Variants in IFFO1 observed in about 807,000 individuals in gnomAD.
The protein encoded by IFFO1 is non-homologous end joining factor IFFO1.
IFFO1 carries 42 observed loss-of-function variants against 59.6 expected under a neutral mutation model. The observed-to-expected ratio is 0.70, with a 90% confidence interval of 0.55 to 0.91. IFFO1 has a LOEUF of 0.91. IFFO1 is among the 40% of genes least tolerant of loss of function. The pLI is 0.00. For missense variants in IFFO1, 711 were observed against 793.2 expected (o/e 0.90, Z 1.24); for synonymous variants, 336 against 342.8 (o/e 0.98, Z 0.22).
Position 6,549,850 on chromosome 12 carries a change from A to G in IFFO1, c.977T>C (p.Val326Ala). The G allele has an allele frequency of 1.2e-6, 2 of 1,614,026 alleles. No individual in the cohort carries two copies. Among genetic ancestry groups the G allele is most frequent in the Non-Finnish European group, 1.7e-6 (2 of 1,179,962 alleles). Residue 326 changes from valine to alanine, a missense_variant, in exon 4 of 10, where the codon GTG (valine) becomes GCG (alanine). Val to Ala is a moderately conservative substitution (Grantham distance 64). This residue lies in a region of IFFO1 where 579 missense variants were observed against 650.3 expected (regional missense o/e 0.89). Coordinates refer to ENST00000619571, the MANE Select transcript of IFFO1 (RefSeq NM_001193457.2). This position sits in a 1 kb window ranked among gnomAD's most constrained non-coding sequence, Gnocchi z 5.0. ...DTKIQEKAMK[V>A]DMDICRRIDI... ...GATGCGGCGGCAGATGTCCATATCCACCTTCATGGCTTTCTCCTGGATCTT... is the reference window on the plus strand; with the variant it reads ...GATGCGGCGGCAGATGTCCATATCCGCCTTCATGGCTTTCTCCTGGATCTT...
In IFFO1 at chr12:6,548,337, G is replaced by C. The variant is rs1188916670; in HGVS notation, c.1383+88C>G. ...CAGGTAGAGGATGACAGCCACATGGGGGGACAGAGCAAGGAGAGGAGCGGG... is the reference window on the plus strand; with the variant it reads ...CAGGTAGAGGATGACAGCCACATGGCGGGACAGAGCAAGGAGAGGAGCGGG... On this transcript the variant is annotated intron_variant, in intron 7 of 9. Transcript: ENST00000619571. The surrounding 1 kb of genome is among the most constrained non-coding windows in gnomAD (Gnocchi z 6.1). The C allele has an allele frequency of 1.2e-5, 18 of 1,486,468 alleles. No individual in the cohort carries two copies. The highest frequency in any genetic ancestry group is 7.3e-5 in the Admixed American group (4 of 54,560). The allele number at this position is 1,486,468 out of a possible 1,614,324, so 92.1% of individuals were successfully genotyped here. A position where few individuals can be genotyped will look rare whatever the true frequency, so the allele number is the denominator to read the frequency against.
At position 6,540,468 on chromosome 12, in the gene IFFO1, G is replaced by C. The variant is rs1241044858; in HGVS notation, c.*15C>G. ...CCTGCTGCGAGGGCCTCGGGTGCAA[G>C]GGGGAGGCAGGTCTCTATCTCATGG... On this transcript the variant is annotated 3_prime_UTR_variant, in exon 10 of 10. Coordinates refer to ENST00000619571, the MANE Select transcript of IFFO1 (RefSeq NM_001193457.2). 6.3e-7 allele frequency: 1 copy of C among 1,599,012 alleles called. No homozygotes were observed. Among genetic ancestry groups the C allele is most frequent in the Non-Finnish European group, 8.6e-7 (1 of 1,166,318 alleles).
chr12:6,555,736 G>C lies in IFFO1; in HGVS notation c.294C>G (p.Asn98Lys). The stretch of plus-strand genomic sequence containing the variant: ...GCTGCAGTTGCTTCTCCAACAGCCG[G>C]TTCCGGCGCTCCAGCTCATGCACCT... Reference protein sequence around the residue: ...LAKVHELERRNRLLEKQLQQA... With the variant: ...LAKVHELERRKRLLEKQLQQA... Residue 98 changes from asparagine to lysine, a missense_variant, in exon 1 of 10, where the codon AAC becomes AAG. Asn to Lys is a moderately conservative substitution (Grantham distance 94). Coordinates refer to ENST00000619571, the MANE Select transcript of IFFO1 (RefSeq NM_001193457.2). The surrounding 1 kb of genome is among the most constrained non-coding windows in gnomAD (Gnocchi z 8.6). 2 of 1,612,822 alleles carry C rather than the reference G, an allele frequency of 1.2e-6. No individual in the cohort carries two copies. The highest frequency in any genetic ancestry group is 1.7e-6 in the Non-Finnish European group (2 of 1,179,390).
intron 1 of IFFO1, 125 bp from the exon 2 acceptor site, chr12:6,551,126 A>G (rs1048042031): frequency 1.1e-6 from 1 of 920,384 alleles, no homozygotes; most frequent in Non-Finnish European, 1.7e-6. Context: ...GATGGGGAGG[A>G]GCAGGGCACA....
intron 8 of IFFO1, among the ~76,000 whole-genome samples, chr12:6,546,986 T>C (rs1162515662): frequency 6.6e-6 from 1 of 152,150 alleles, no homozygotes; most frequent in Non-Finnish European, 1.5e-5. Flanking sequence ...ATAGTGTTAA[T>C]AATAATAAAA....
chr12:6,546,341 G>A (rs1385317318), intron 8 of IFFO1, among the ~76,000 whole-genome samples: 2 of 152,224 alleles, frequency 1.3e-5, no homozygotes, highest in Non-Finnish European at 2.9e-5. Flanking sequence ...AGGCTGAGAC[G>A]CAGAGAAGGC....
In IFFO1 at chr12:6,548,513, C is replaced by T. The variant is rs376362036; in HGVS notation, c.1295G>A (p.Ser432Asn). The change falls in exon 7 of 10, where the codon AGC (serine) becomes AAC (asparagine). Residue 432 changes from serine (S) to asparagine (N), a missense_variant. By Grantham distance (46) the Ser-to-Asn change is conservative (BLOSUM62 1). This residue lies in a region of IFFO1 where 579 missense variants were observed against 650.3 expected (regional missense o/e 0.89). Transcript: ENST00000619571. The surrounding 1 kb of genome is among the most constrained non-coding windows in gnomAD (Gnocchi z 6.1). ...REYDFEDDCDSLTWEETEETL... is the reference protein window; with the variant it reads ...REYDFEDDCDNLTWEETEETL... ...CTCCTCAGTCTCCTCCCAAGTCAGG[C>T]TGTCACAGTCGTCCTCAAAATCATA... The T allele has an allele frequency of 1.2e-6, 2 of 1,613,844 alleles. No individual in the cohort carries two copies. Among genetic ancestry groups the T allele is most frequent in the Non-Finnish European group, 1.7e-6 (2 of 1,179,888 alleles).
In IFFO1 at chr12:6,548,946, G is replaced by T. The variant is rs1947105540; in HGVS notation, c.1081-97C>A. On this transcript the variant is annotated intron_variant, in intron 5 of 9. Coordinates refer to ENST00000619571, the MANE Select transcript of IFFO1 (RefSeq NM_001193457.2). This position sits in a 1 kb window ranked among gnomAD's most constrained non-coding sequence, Gnocchi z 6.1. ...GGGGAGAAGCATGAACCAGTAGGAA[G>T]GGGGGGCAGACAGAGAGAAAAGTCA... 5 of 994,966 alleles carry T rather than the reference G, an allele frequency of 5.0e-6. No homozygotes were observed. The Admixed American group carries it at 1.2e-4, about 24-fold the overall frequency. The allele number at this position is 994,966 out of a possible 1,614,324, so 61.6% of individuals were successfully genotyped here. A position where few individuals can be genotyped will look rare whatever the true frequency, so the allele number is the denominator to read the frequency against.
intron 8 of IFFO1, among the ~76,000 whole-genome samples, chr12:6,547,725 T>C (rs1440707596): frequency 1.0e-5 from 1 of 98,314 alleles, no homozygotes; most frequent in Non-Finnish European, 2.0e-5. Flanking sequence ...GAGGGAGGGA[T>C]AGAGGGGGAG....
Position 6,541,486 on chromosome 12 carries a change from G to T in IFFO1, c.1610+26C>A, listed in dbSNP as rs878945292. 1.2e-6 allele frequency: 2 copies of T among 1,611,424 alleles called. No individual in the cohort carries two copies. Among genetic ancestry groups the T allele is most frequent in the African/African-American group, 2.7e-5 (2 of 74,920 alleles). ...TCTCCCCGCTGTGTCCCCCTGGAAGGCCCCATGCCCAGGGGAGGCGCCTAC... is the reference window on the plus strand; with the variant it reads ...TCTCCCCGCTGTGTCCCCCTGGAAGTCCCCATGCCCAGGGGAGGCGCCTAC... On this transcript the variant is annotated intron_variant, in intron 9 of 9. Transcript: ENST00000619571. The surrounding 1 kb of genome is among the most constrained non-coding windows in gnomAD (Gnocchi z 4.8).
At chr12:6,545,511 C>CG (rs1200258977) in intron 8 of IFFO1, among the ~76,000 whole-genome samples, 1 of 151,854 alleles carries the variant, frequency 6.6e-6, no homozygotes, top group Non-Finnish European at 1.5e-5. Flanking sequence ...CTGGCTAACA[C>CG]GGTGAAACCC....
chr12:6,553,212 G>A (rs777486840), intron 1 of IFFO1, among the ~76,000 whole-genome samples: 13 of 152,102 alleles, frequency 8.5e-5, no homozygotes, highest in South Asian at 2.1e-4. Context: ...CGCACCATCC[G>A]AATCCAGCTA....
intron 3 of IFFO1, chr12:6,550,215 C>T (rs778446626): frequency 2.5e-5 from 9 of 353,644 alleles, no homozygotes; most frequent in Non-Finnish European, 4.7e-5. Flanking sequence ...CTTACATTCC[C>T]AGAGAGAAAG....
At chr12:6,550,159 T>C in intron 3 of IFFO1, 2 of 435,208 alleles carry the variant, frequency 4.6e-6, no homozygotes, top group Non-Finnish European at 8.3e-6. Context: ...GCCTGGGACA[T>C]GCAGGGGGCT....
chr12:6,544,300 G>C (rs1254921713), intron 8 of IFFO1, among the ~76,000 whole-genome samples: 1 of 151,816 alleles, frequency 6.6e-6, no homozygotes, highest in Non-Finnish European at 1.5e-5. Context: ...CCAAGTAGCT[G>C]GGATTACAGG....
At position 6,548,259 on chromosome 12, in the gene IFFO1, GGT is replaced by G. The variant is rs1947060526; in HGVS notation, c.1384-101_1384-100del. ...AGGGAGAGAGAGAGAGAGGAAGTCTGGTTAAAGAAACTGGAGAAAGAAAAGCA... is the reference window on the plus strand; with the variant it reads ...AGGGAGAGAGAGAGAGAGGAAGTCTGTAAAGAAACTGGAGAAAGAAAAGCA... On this transcript the variant is annotated intron_variant, in intron 7 of 9. Transcript: ENST00000619571. The surrounding 1 kb of genome is among the most constrained non-coding windows in gnomAD (Gnocchi z 6.1). The G allele has an allele frequency of 1.5e-6, 2 of 1,349,092 alleles. No homozygotes were observed. The highest frequency in any genetic ancestry group is 3.4e-5 in the Admixed American group (2 of 58,214). The allele number at this position is 1,349,092 out of a possible 1,614,324, so 83.6% of individuals were successfully genotyped here. A position where few individuals can be genotyped will look rare whatever the true frequency, so the allele number is the denominator to read the frequency against.
rs1184167479 is a variant in IFFO1 at position 6,555,959 on chromosome 12, C to T, written c.71G>A (p.Gly24Glu). The change falls in exon 1 of 10, where the codon GGG (glycine) becomes GAG (glutamate). Residue 24 changes from glycine (G) to glutamate (E), a missense_variant. This residue lies in a region of IFFO1 where 114 missense variants were observed against 102.4 expected (regional missense o/e 1.11). Coordinates refer to ENST00000619571, the MANE Select transcript of IFFO1 (RefSeq NM_001193457.2). This position sits in a 1 kb window ranked among gnomAD's most constrained non-coding sequence, Gnocchi z 8.6. The stretch of plus-strand genomic sequence containing the variant: ...GAAGTGGTCGCCTCCCAGTGAGTCC[C>T]CCAGTGGCCCGGCCAGGCCCTGCTG... The part of the protein sequence containing the change: ...QEQQGLAGPL[G>E]DSLGGDHFAG... The T allele has an allele frequency of 1.9e-6, 3 of 1,563,352 alleles. No homozygotes were observed. The highest frequency in any genetic ancestry group is 2.6e-6 in the Non-Finnish European group (3 of 1,161,162).
intron 3 of IFFO1, chr12:6,550,442 C>T: frequency 1.8e-6 from 1 of 548,606 alleles, no homozygotes; most frequent in East Asian, 3.0e-5. Context: ...AGAGCCTCCA[C>T]CCCAGAAGCT....
In IFFO1 at chr12:6,541,755, G is replaced by A. The variant is rs1592199320; in HGVS notation, c.1480-113C>T. 3 of 1,317,020 alleles carry A rather than the reference G, an allele frequency of 2.3e-6. No homozygotes were observed. Among genetic ancestry groups the A allele is most frequent in the Admixed American group, 1.9e-5 (1 of 52,312 alleles). 81.6% of individuals were successfully genotyped at this position (1,317,020 alleles called of 1,614,324 possible). A position where few individuals can be genotyped will look rare whatever the true frequency, so the allele number is the denominator to read the frequency against. ...AGCAGTGGCTGGGCCGGGGGCCCAG[G>A]CAGCCATTACTGAAGGCTCAGATTT... is the stretch of plus-strand genomic sequence containing the variant. On this transcript the variant is annotated intron_variant, in intron 8 of 9. Transcript: ENST00000619571. This position sits in a 1 kb window ranked among gnomAD's most constrained non-coding sequence, Gnocchi z 4.8.
Sources: gnomAD v4.1 joint callset for allele counts (sites outside exome capture counted in the v4.1 genomes callset) on GRCh38, gnomAD v4.1.1 for gene constraint, gnomAD v4.1.1 regional missense constraint, Gnocchi (gnomAD v3.1) non-coding constraint, MANE v1.5 for transcripts, NCBI Gene and HGNC (gene_info 2026-07-23, HGNC 2026-07-21) for gene names.